The following GPATCH2 variants were observed in gnomAD, a reference collection of about 807,000 sequenced individuals.
The protein encoded by GPATCH2 is G-patch domain containing 2, also known as G patch domain-containing protein 2.
A neutral mutation model predicts 58.0 loss-of-function variants in GPATCH2; 51 were observed. The observed-to-expected ratio is 0.88, with a 90% CI of 0.70 to 1.11. The LOEUF (loss-of-function observed/expected upper bound fraction) is 1.11, where lower values mean the gene tolerates loss of function less well. Among genes scored for constraint, GPATCH2 ranks in the 50% most tolerant of loss-of-function variants. The pLI is 0.00. For missense variants in GPATCH2, 625 were observed against 652.2 expected (o/e 0.96, Z 0.45); for synonymous variants, 222 against 218.5 (o/e 1.02, Z -0.14).
intron 5 of GPATCH2, among the ~76,000 whole-genome samples, chr1:217,579,550 T>C (rs1341228965): frequency 6.6e-6 from 1 of 152,160 alleles, no homozygotes; most frequent in Non-Finnish European, 1.5e-5. Flanking sequence ...TCTATGCACT[T>C]AGCACATAAA....
chr1:217,518,094 C>T (rs1663260266), intron 5 of GPATCH2, among the ~76,000 whole-genome samples: 1 of 152,032 alleles, frequency 6.6e-6, no homozygotes, highest in African/African-American at 2.4e-5. Context: ...AGATATATTT[C>T]TTTTTATTAG....
chr1:217,444,863 T>C (rs1207266151), intron 9 of GPATCH2, among the ~76,000 whole-genome samples: 1 of 152,218 alleles, frequency 6.6e-6, no homozygotes, highest in Non-Finnish European at 1.5e-5. Context: ...TAAAATCTAG[T>C]ACCTTGAAAA....
intron 5 of GPATCH2, among the ~76,000 whole-genome samples, chr1:217,525,112 T>C (rs987520273): frequency 7.9e-5 from 12 of 151,790 alleles, no homozygotes; most frequent in African/African-American, 2.7e-4. Flanking sequence ...TTAGCAAATA[T>C]ATCTAATGAT....
At chr1:217,583,452 TC>T (rs1667169861) in intron 5 of GPATCH2, among the ~76,000 whole-genome samples, 1 of 150,966 alleles carries the variant, frequency 6.6e-6, no homozygotes, top group South Asian at 2.1e-4. Flanking sequence ...GTGCCTGTAA[TC>T]CCAGCTACTC....
At chr1:217,441,579 TTTTGCAA>T (rs1347975794) in intron 9 of GPATCH2, among the ~76,000 whole-genome samples, 1 of 152,098 alleles carries the variant, frequency 6.6e-6, no homozygotes, top group African/African-American at 2.4e-5. Flanking sequence ...GGGAGAAAAT[TTTTGCAA>T]TTTATCCATT....
chr1:217,580,864 C>T lies in GPATCH2; in HGVS notation c.1098+29457G>A, dbSNP rs1252796057. ...TCTACTAAAAATACAAAAAATTAGC[C>T]GGGCGCGGTGGCGGGCGCCTGTAGT... On this transcript the variant is annotated intron_variant, in intron 5 of 9. Coordinates refer to ENST00000366935, the MANE Select transcript of GPATCH2 (RefSeq NM_018040.5). 3.4e-5 allele frequency among the ~76,000 whole-genome samples: 3 copies of T among 88,532 alleles called. 1 individual carries two copies. Among genetic ancestry groups the T allele is most frequent in the African/African-American group, 7.6e-5 (2 of 26,268 alleles). 58.1% of individuals were successfully genotyped at this position (88,532 alleles called of 152,430 possible). A position where few individuals can be genotyped will look rare whatever the true frequency, so the allele number is the denominator to read the frequency against.
chr1:217,457,235 T>C (rs189749166), intron 8 of GPATCH2, among the ~76,000 whole-genome samples: 1 of 152,308 alleles, frequency 6.6e-6, no homozygotes, highest in Admixed American at 6.5e-5. Flanking sequence ...TCAGGACATG[T>C]TCCTTCTTGT....
At chr1:217,579,481 A>G (rs1220653472) in intron 5 of GPATCH2, among the ~76,000 whole-genome samples, 3 of 152,154 alleles carry the variant, frequency 2.0e-5, no homozygotes, top group African/African-American at 7.2e-5. Flanking sequence ...TGTGTAAATC[A>G]ATACATTCAG....
At chr1:217,532,886 G>GTTTTTTTTTTTTTTTT (rs57815648) in intron 5 of GPATCH2, among the ~76,000 whole-genome samples, 1 of 130,248 alleles carries the variant, frequency 7.7e-6, no homozygotes, top group Non-Finnish European at 1.6e-5. Flanking sequence ...TCTTTTTTTT[G>GTTTTTTTTTTTTTTTT]TTTTTTTTTT....
rs1286011065 is a variant in GPATCH2, at chr1:217,430,847, A to G, written c.*298T>C. 1 of 407,144 alleles carries G rather than the reference A, an allele frequency of 2.5e-6. No individual in the cohort carries two copies. The highest frequency in any genetic ancestry group is 2.0e-5 in the African/African-American group (1 of 49,582). 25.2% of individuals were successfully genotyped at this position (407,144 alleles called of 1,614,324 possible). A position where few individuals can be genotyped will look rare whatever the true frequency, so the allele number is the denominator to read the frequency against. On this transcript the variant is annotated 3_prime_UTR_variant, in exon 10 of 10. Coordinates refer to ENST00000366935, the MANE Select transcript of GPATCH2 (RefSeq NM_018040.5). The stretch of plus-strand genomic sequence containing the variant: ...CACACATACATGAATTAAGCAAAGC[A>G]TCGGAAAGTATTGACACATGAGACT...
intron 5 of GPATCH2, among the ~76,000 whole-genome samples, chr1:217,531,000 G>A (rs1167711471): frequency 6.6e-6 from 1 of 151,666 alleles, no homozygotes; most frequent in Non-Finnish European, 1.5e-5. Flanking sequence ...TCAGTTGTTG[G>A]AAGAAATAAA....
rs563437801 is a variant in GPATCH2, at chr1:217,427,309, G to A, written c.*3836C>T. 4.6e-5 allele frequency: 7 copies of A among 152,106 alleles called. No individual in the cohort carries two copies. Among genetic ancestry groups the A allele is most frequent in the South Asian group, 2.1e-4 (1 of 4,816 alleles). 9.4% of individuals were successfully genotyped at this position (152,106 alleles called of 1,614,324 possible). A position where few individuals can be genotyped will look rare whatever the true frequency, so the allele number is the denominator to read the frequency against. On this transcript the variant is annotated 3_prime_UTR_variant, in exon 10 of 10. Coordinates refer to ENST00000366935, the MANE Select transcript of GPATCH2 (RefSeq NM_018040.5). ...AAATGTGGTAGAGCAGCTCACAATCGGCTATGAATACATTTGTGAATCAAA... is the reference window on the plus strand; with the variant it reads ...AAATGTGGTAGAGCAGCTCACAATCAGCTATGAATACATTTGTGAATCAAA...
chr1:217,589,283 C>T (rs1341035205), intron 5 of GPATCH2, among the ~76,000 whole-genome samples: 4 of 151,416 alleles, frequency 2.6e-5, no homozygotes, highest in Admixed American at 2.6e-4. Flanking sequence ...CATGCCATCA[C>T]CTCTTCCTTA....
intron 8 of GPATCH2, among the ~76,000 whole-genome samples, chr1:217,480,301 A>C (rs1661157445): frequency 1.3e-5 from 2 of 152,188 alleles, no homozygotes; most frequent in South Asian, 4.2e-4. Context: ...GGAAAAAAAA[A>C]ATCTAATAAT....
rs1669125287 is a variant in GPATCH2, at chr1:217,620,359, C to T, written c.197G>A (p.Arg66Lys). 1 of 1,613,928 alleles carries T rather than the reference C, an allele frequency of 6.2e-7. No individual in the cohort carries two copies. Among genetic ancestry groups the T allele is most frequent in the Admixed American group, 1.7e-5 (1 of 59,982 alleles). ...SISCPLKRQA[R>K]KRRGRKRRSY... ...CCTCCGTTTTCTCCCTCTCCTTTTCCTTGCCTGGCGTTTCAGAGGGCAAGA... is the reference window on the plus strand; with the variant it reads ...CCTCCGTTTTCTCCCTCTCCTTTTCTTTGCCTGGCGTTTCAGAGGGCAAGA... Residue 66 changes from arginine to lysine, a missense_variant, in exon 2 of 10, where the codon AGG becomes AAG. Transcript: ENST00000366935.
chr1:217,591,856 T>C (rs576238577), intron 5 of GPATCH2, among the ~76,000 whole-genome samples: 1 of 152,182 alleles, frequency 6.6e-6, no homozygotes, highest in East Asian at 1.9e-4. Context: ...TTTAATGTGA[T>C]GGGAAAAACA....
intron 9 of GPATCH2, among the ~76,000 whole-genome samples, chr1:217,442,391 G>C (rs1016236779): frequency 6.6e-6 from 1 of 152,108 alleles, no homozygotes; most frequent in Non-Finnish European, 1.5e-5. Flanking sequence ...ACATAATGTA[G>C]ATGACAGGTT....
At chr1:217,523,322 C>T (rs555142705) in intron 5 of GPATCH2, among the ~76,000 whole-genome samples, 2 of 151,618 alleles carry the variant, frequency 1.3e-5, no homozygotes, top group African/African-American at 4.9e-5. Context: ...ACCCTGCAGC[C>T]TTCCGCAGTG....
chr1:217,557,683 C>T (rs1162904927), intron 5 of GPATCH2, among the ~76,000 whole-genome samples: 1 of 152,114 alleles, frequency 6.6e-6, no homozygotes, highest in Non-Finnish European at 1.5e-5. Context: ...AAAGTCTATC[C>T]TTTTCCCACT....
Sources: allele counts gnomAD v4.1 joint callset (sites outside exome capture counted in the v4.1 genomes callset), GRCh38; gene constraint gnomAD v4.1.1; transcripts MANE v1.5; gene names NCBI Gene and HGNC (gene_info 2026-07-23, HGNC 2026-07-21).